Variants in TAS1R1 observed in about 807,000 individuals in gnomAD.
TAS1R1 encodes taste receptor type 1 member 1.
In TAS1R1, 31 loss-of-function variants were observed where a neutral mutation model predicts 45.8. The ratio of observed to expected loss-of-function variants is 0.68; its 90% CI spans 0.51 to 0.91. The LOEUF (loss-of-function observed/expected upper bound fraction) is 0.91, where lower values mean the gene tolerates loss of function less well. Among genes scored for constraint, TAS1R1 ranks in the 40% least tolerant of loss-of-function variants. TAS1R1 has a pLI of 0.00. For missense variants in TAS1R1, 1,051 were observed against 1,063.9 expected, an observed-to-expected ratio of 0.99 and a Z score of 0.17; for synonymous variants, 437 against 448.4, an observed-to-expected ratio of 0.97 and a Z score of 0.32.
chr1:6,572,021 A>G (rs1640030269), intron 2 of TAS1R1, among the ~76,000 whole-genome samples: 1 of 151,602 alleles, frequency 6.6e-6, no homozygotes, highest in South Asian at 2.1e-4. Context: ...TGGCTTATGG[A>G]TCCTTCCCCA....
rs1244562295 is a variant in TAS1R1 at position 6,574,368 on chromosome 1, A to G, written c.499-263A>G. On this transcript the variant is annotated intron_variant, in intron 2 of 5. Coordinates refer to ENST00000333172, the MANE Select transcript of TAS1R1 (RefSeq NM_138697.4). The surrounding 1 kb of genome is among the most constrained non-coding windows in gnomAD (Gnocchi z 4.3). Reference sequence around the variant, plus strand: ...CAGTGGAAGTCCCTGAAGGTCCCCAAACACACGGGACTATTTCACTCCTAT... The same window carrying G: ...CAGTGGAAGTCCCTGAAGGTCCCCAGACACACGGGACTATTTCACTCCTAT... Among the ~76,000 whole-genome samples the G allele has an allele frequency of 6.6e-6, 1 of 152,148 alleles. No homozygotes were observed. The highest frequency in any genetic ancestry group is 1.5e-5 in the Non-Finnish European group (1 of 68,022).
chr1:6,563,675 A>C (rs1029245283), intron 1 of TAS1R1, among the ~76,000 whole-genome samples: 2 of 152,028 alleles, frequency 1.3e-5, no homozygotes, highest in African/African-American at 4.8e-5. Context: ...GAGTTAAGCT[A>C]AGGGTCTTGT....
At position 6,574,114 on chromosome 1, in the gene TAS1R1, C is replaced by G. The variant is rs959273483; in HGVS notation, c.499-517C>G. Among the ~76,000 whole-genome samples the G allele has an allele frequency of 1.3e-5, 2 of 152,134 alleles. No homozygotes were observed. Among genetic ancestry groups the G allele is most frequent in the African/African-American group, 4.8e-5 (2 of 41,418 alleles). ...TCAGACATTAGATTCTCATAAGTAGCGTGCAACCCAGATCCCTCGCATGTG... is the reference window on the plus strand; with the variant it reads ...TCAGACATTAGATTCTCATAAGTAGGGTGCAACCCAGATCCCTCGCATGTG... On this transcript the variant is annotated intron_variant, in intron 2 of 5. Coordinates refer to ENST00000333172, the MANE Select transcript of TAS1R1 (RefSeq NM_138697.4). The surrounding 1 kb of genome is among the most constrained non-coding windows in gnomAD (Gnocchi z 4.3).
chr1:6,558,784 T>A (rs1425045900), intron 1 of TAS1R1, among the ~76,000 whole-genome samples: 2 of 151,840 alleles, frequency 1.3e-5, no homozygotes, highest in Non-Finnish European at 2.9e-5. Flanking sequence ...ACTGCTGCGA[T>A]CTTGGCTCAC....
rs529270306 is a variant in TAS1R1, at chr1:6,560,839, C to T, written c.191+5275C>T. ...CTACAAAAAATACAAAAAAAATTAG[C>T]TGGGCGTGGTGATGGGCGCCTGTAG... is the stretch of plus-strand genomic sequence containing the variant. On this transcript the variant is annotated intron_variant, in intron 1 of 5. Coordinates refer to ENST00000333172, the MANE Select transcript of TAS1R1 (RefSeq NM_138697.4). Among the ~76,000 whole-genome samples, 15 of 152,112 alleles carry T rather than the reference C, an allele frequency of 9.9e-5. No individual in the cohort carries two copies. In the South Asian group the frequency reaches 3.1e-3, roughly 32 times the overall value.
chr1:6,570,966 TGAG>T lies in TAS1R1; in HGVS notation c.253_255del (p.Glu85del), dbSNP rs753166231. The T allele has an allele frequency of 4.7e-4, 757 of 1,613,734 alleles. No individual in the cohort carries two copies. Among genetic ancestry groups the T allele is most frequent in the Non-Finnish European group, 5.9e-4 (696 of 1,179,850 alleles). On this transcript the variant is annotated inframe_deletion, in exon 2 of 6. Coordinates refer to ENST00000333172, the MANE Select transcript of TAS1R1 (RefSeq NM_138697.4). ...TCTTCCAGGCTATGCGGCTTGGGGT[TGAG>T]GAGATAAACAACTCCACGGCCCTGC...
intron 1 of TAS1R1, among the ~76,000 whole-genome samples, chr1:6,567,781 T>C (rs1229652926): frequency 2.6e-5 from 4 of 152,090 alleles, no homozygotes; most frequent in African/African-American, 9.7e-5. Context: ...TGTCCAACTG[T>C]TGAGACAACA....
chr1:6,573,037 A>C (rs565345017), intron 2 of TAS1R1, among the ~76,000 whole-genome samples: 1 of 152,300 alleles, frequency 6.6e-6, no homozygotes, highest in East Asian at 1.9e-4. Flanking sequence ...CCACAGCTGG[A>C]ATTCACACCA....
chr1:6,555,475 C>T lies in TAS1R1; in HGVS notation c.102C>T (p.Leu34=). 6.3e-7 allele frequency: 1 copy of T among 1,595,990 alleles called. No homozygotes were observed. Among genetic ancestry groups the T allele is most frequent in the Non-Finnish European group, 8.5e-7 (1 of 1,171,248 alleles). Residue 34 remains leucine (L), a synonymous_variant, in exon 1 of 6, where the codon CTC becomes CTT. Transcript: ENST00000333172. ...HSTESSPDFT[L]PGDYLLAGLF... ...CGGAGTCTTCTCCTGACTTCACCCT[C>T]CCCGGAGATTACCTCCTGGCAGGCC...
chr1:6,558,763 G>T (rs1639729353), intron 1 of TAS1R1, among the ~76,000 whole-genome samples: 1 of 151,942 alleles, frequency 6.6e-6, no homozygotes, highest in African/African-American at 2.4e-5. Context: ...CCGTCATCCA[G>T]CCTGGAGCCA....
chr1:6,574,575 A>G lies in TAS1R1; in HGVS notation c.499-56A>G, dbSNP rs1570128649. On this transcript the variant is annotated intron_variant, in intron 2 of 5. Coordinates refer to ENST00000333172, the MANE Select transcript of TAS1R1 (RefSeq NM_138697.4). This position sits in a 1 kb window ranked among gnomAD's most constrained non-coding sequence, Gnocchi z 4.3. ...GTATCCCCACACCCAGCACAGGGCCAGGCACTGGGGGGGCCTTCAGTGGAG... is the reference window on the plus strand; with the variant it reads ...GTATCCCCACACCCAGCACAGGGCCGGGCACTGGGGGGGCCTTCAGTGGAG... 1 of 1,551,720 alleles carries G rather than the reference A, an allele frequency of 6.4e-7. No homozygotes were observed. Among genetic ancestry groups the G allele is most frequent in the East Asian group, 2.3e-5 (1 of 44,356 alleles).
chr1:6,556,698 G>A (rs12731274), intron 1 of TAS1R1, among the ~76,000 whole-genome samples: 148,434 of 152,004 alleles, frequency 0.98, 72,565 homozygotes, highest in Non-Finnish European at 1. Context: ...CACCGCGCCC[G>A]GCCTGCTTTT....
chr1:6,561,694 A>G (rs1181924515), intron 1 of TAS1R1, among the ~76,000 whole-genome samples: 1 of 149,744 alleles, frequency 6.7e-6, no homozygotes, highest in African/African-American at 2.4e-5. Context: ...CAGCTTGGGC[A>G]ACAGAACGAG....
intron 1 of TAS1R1, among the ~76,000 whole-genome samples, chr1:6,561,992 A>C (rs1639798279): frequency 6.6e-6 from 1 of 152,214 alleles, no homozygotes; most frequent in African/African-American, 2.4e-5. Context: ...TTTATTGGTG[A>C]TCAAACAAAG....
Position 6,570,998 on chromosome 1 carries a change from C to G in TAS1R1, c.281C>G (p.Pro94Arg). 6.2e-7 allele frequency: 1 copy of G among 1,614,166 alleles called. No individual in the cohort carries two copies. Among genetic ancestry groups the G allele is most frequent in the Non-Finnish European group, 8.5e-7 (1 of 1,180,024 alleles). Reference protein sequence around the residue: ...EEINNSTALLPNITLGYQLYD... With the variant: ...EEINNSTALLRNITLGYQLYD... The stretch of plus-strand genomic sequence containing the variant: ...ATAAACAACTCCACGGCCCTGCTGC[C>G]CAACATCACCCTGGGGTACCAGCTG... Residue 94 changes from proline to arginine, a missense_variant, in exon 2 of 6, where the codon CCC becomes CGC. Physicochemically the swap from Pro to Arg is moderately radical, Grantham distance 103. Coordinates refer to ENST00000333172, the MANE Select transcript of TAS1R1 (RefSeq NM_138697.4).
Position 6,574,750 on chromosome 1 carries a change from C to T in TAS1R1, c.618C>T (p.Phe206=), listed in dbSNP as rs755344013. Residue 206 remains phenylalanine, a synonymous_variant, in exon 3 of 6, where the codon TTC becomes TTT. Coordinates refer to ENST00000333172, the MANE Select transcript of TAS1R1 (RefSeq NM_138697.4). The surrounding 1 kb of genome is among the most constrained non-coding windows in gnomAD (Gnocchi z 4.3). ...CCATGGTGCTGCTGCTGCAGAAGTTCGGGTGGACCTGGATCTCTCTGGTTG... is the reference window on the plus strand; with the variant it reads ...CCATGGTGCTGCTGCTGCAGAAGTTTGGGTGGACCTGGATCTCTCTGGTTG... The part of the protein sequence containing the change: ...VETMVLLLQK[F]GWTWISLVGS... 99 of 1,614,134 alleles carry T rather than the reference C, an allele frequency of 6.1e-5. 1 individual carries two copies. The highest frequency in any genetic ancestry group is 7.9e-5 in the Non-Finnish European group (93 of 1,180,046).
At position 6,555,475 on chromosome 1, in the gene TAS1R1, C is replaced by A; in HGVS notation, c.102C>A (p.Leu34=). 1.3e-6 allele frequency: 2 copies of A among 1,595,992 alleles called. No individual in the cohort carries two copies. The highest frequency in any genetic ancestry group is 1.7e-6 in the Non-Finnish European group (2 of 1,171,248). ...CGGAGTCTTCTCCTGACTTCACCCT[C>A]CCCGGAGATTACCTCCTGGCAGGCC... is the stretch of plus-strand genomic sequence containing the variant. The part of the protein sequence containing the change: ...HSTESSPDFT[L]PGDYLLAGLF... The change falls in exon 1 of 6, where the codon CTC becomes CTA. Residue 34 remains leucine (L), a synonymous_variant. Transcript: ENST00000333172.
In TAS1R1 at chr1:6,579,492, T is replaced by G. The variant is rs1377368924; in HGVS notation, c.2434T>G (p.Cys812Gly). The change falls in exon 6 of 6, where the codon TGC becomes GGC. Residue 812 changes from cysteine (C) to glycine (G), a missense_variant. Transcript: ENST00000333172. Reference sequence around the variant, plus strand: ...CTTCGGTGGGTATTTTCTGCCTAAGTGCTACGTGATCCTCTGCCGCCCAGA... The same window carrying G: ...CTTCGGTGGGTATTTTCTGCCTAAGGGCTACGTGATCCTCTGCCGCCCAGA... ...SGFGGYFLPK[C>G]YVILCRPDLN... The G allele has an allele frequency of 6.2e-7, 1 of 1,613,966 alleles. No individual in the cohort carries two copies. Among genetic ancestry groups the G allele is most frequent in the Non-Finnish European group, 8.5e-7 (1 of 1,180,028 alleles).
At position 6,555,519 on chromosome 1, in the gene TAS1R1, G is replaced by C. The variant is rs1244331647; in HGVS notation, c.146G>C (p.Gly49Ala). 13 of 1,558,998 alleles carry C rather than the reference G, an allele frequency of 8.3e-6. No homozygotes were observed. The highest frequency in any genetic ancestry group is 1.0e-5 in the Non-Finnish European group (12 of 1,151,090). ...LLAGLFPLHSGCLQVRHRPEV... is the reference protein window; with the variant it reads ...LLAGLFPLHSACLQVRHRPEV... ...GCAGGCCTGTTCCCTCTCCATTCTG[G>C]CTGTCTGCAGGTGAGGCACAGACCC... Residue 49 changes from glycine (G) to alanine (A), a missense_variant, in exon 1 of 6, where the codon GGC becomes GCC. Gly to Ala is a moderately conservative substitution (Grantham distance 60). Transcript: ENST00000333172.
Sources: allele counts gnomAD v4.1 joint callset (sites outside exome capture counted in the v4.1 genomes callset), GRCh38; gene constraint gnomAD v4.1.1; non-coding constraint Gnocchi (gnomAD v3.1); transcripts MANE v1.5; gene names NCBI Gene and HGNC (gene_info 2026-07-23, HGNC 2026-07-21).